The following THRB variants were observed in gnomAD, a reference collection of about 807,000 sequenced individuals.
THRB encodes nuclear receptor subfamily 1 group A member 2.
Under a neutral mutation model 47.8 loss-of-function variants are expected in THRB, and 12 were observed. The observed-to-expected ratio is 0.25, with a 90% CI of 0.16 to 0.41. THRB has a LOEUF of 0.41. Ranked by LOEUF, THRB falls within the 10% of genes least tolerant of loss-of-function variation. The probability of loss-of-function intolerance (pLI) is 1.00; values close to 1 mark genes in which losing one functional copy is unlikely to be tolerated. For synonymous variants in THRB, 218 were observed against 212.2 expected, an observed-to-expected ratio of 1.03 and a Z score of -0.24; for missense variants, 348 against 589.2, an observed-to-expected ratio of 0.59 and a Z score of 4.24.
intron 1 of THRB, among the ~76,000 whole-genome samples, chr3:24,414,429 G>A (rs572092902): frequency 4.1e-4 from 63 of 151,866 alleles, no homozygotes; most frequent in African/African-American, 1.5e-3. Flanking sequence ...ATATCTATGT[G>A]TTAAAAGCTC....
Position 24,304,628 on chromosome 3 carries a change from A to C in THRB, c.-188-7257T>G, listed in dbSNP as rs560927648. Among the ~76,000 whole-genome samples, 5 of 152,294 alleles carry C rather than the reference A, an allele frequency of 3.3e-5. No homozygotes were observed. The South Asian group carries it at 8.3e-4, about 25-fold the overall frequency. On this transcript the variant is annotated intron_variant, in intron 2 of 10. Transcript: ENST00000646209. ...GTACTAACCTTAGTAAGTTTCATGA[A>C]GAACAAAAATGTAAACCTAAATAAA...
chr3:24,470,550 G>T (rs1371902214), intron 1 of THRB, among the ~76,000 whole-genome samples: 1 of 152,218 alleles, frequency 6.6e-6, no homozygotes, highest in East Asian at 1.9e-4. Flanking sequence ...AAGCCCCATA[G>T]AAATGTTTGT....
At chr3:24,378,870 A>T (rs2065487574) in intron 1 of THRB, among the ~76,000 whole-genome samples, 1 of 152,156 alleles carries the variant, frequency 6.6e-6, no homozygotes, top group Non-Finnish European at 1.5e-5. Context: ...AATATATATA[A>T]GCATAAAGAA....
chr3:24,422,967 A>G (rs1376221401), intron 1 of THRB, among the ~76,000 whole-genome samples: 1 of 151,894 alleles, frequency 6.6e-6, no homozygotes, highest in Non-Finnish European at 1.5e-5. Context: ...GGCTTGAGAG[A>G]GGACTGGAAG....
At chr3:24,365,214 C>G (rs986100632) in intron 1 of THRB, among the ~76,000 whole-genome samples, 2 of 152,162 alleles carry the variant, frequency 1.3e-5, no homozygotes, top group Non-Finnish European at 2.9e-5. Flanking sequence ...GTACACTAAT[C>G]CAGCAAAGAG....
At chr3:24,328,512 G>A (rs1327089224) in intron 2 of THRB, among the ~76,000 whole-genome samples, 1 of 152,054 alleles carries the variant, frequency 6.6e-6, no homozygotes, top group Non-Finnish European at 1.5e-5. Context: ...GTCTTCCCTA[G>A]TTCAGTGAAT....
At chr3:24,394,515 C>A (rs2066808650) in intron 1 of THRB, among the ~76,000 whole-genome samples, 1 of 152,068 alleles carries the variant, frequency 6.6e-6, no homozygotes, top group African/African-American at 2.4e-5. Context: ...GATCATACAT[C>A]TCTACTTTGG....
intron 7 of THRB, among the ~76,000 whole-genome samples, chr3:24,145,586 A>G (rs2035978569): frequency 6.6e-6 from 1 of 152,182 alleles, no homozygotes; most frequent in Non-Finnish European, 1.5e-5. Flanking sequence ...AGATAAAGAA[A>G]ATACTCAGCC....
rs190868555 is a variant in THRB at position 24,432,778 on chromosome 3, G to A, written c.-261+61874C>T. Among the ~76,000 whole-genome samples, 27 of 152,094 alleles carry A rather than the reference G, an allele frequency of 1.8e-4. 1 individual carries two copies. The Middle Eastern group carries it at 0.017, about 96-fold the overall frequency. ...CACTGCCAATGGATAGAAATGTACTGAGGCTGATTTAAGGTTTGAAAATTA... is the reference window on the plus strand; with the variant it reads ...CACTGCCAATGGATAGAAATGTACTAAGGCTGATTTAAGGTTTGAAAATTA... On this transcript the variant is annotated intron_variant, in intron 1 of 10. Transcript: ENST00000646209.
chr3:24,444,018 A>C (rs1234985357), intron 1 of THRB, among the ~76,000 whole-genome samples: 3 of 152,182 alleles, frequency 2.0e-5, no homozygotes, highest in Non-Finnish European at 4.4e-5. Flanking sequence ...AGTATTCCAA[A>C]ACCCATTTTT....
At chr3:24,128,889 T>TTTTTTTTTTTTTA (rs2033373342) in intron 9 of THRB, among the ~76,000 whole-genome samples, 1 of 146,394 alleles carries the variant, frequency 6.8e-6, no homozygotes. Flanking sequence ...TTTTTTTTTT[T>TTTTTTTTTTTTTA]ACCATGGATA....
chr3:24,223,351 C>A (rs2047349261), intron 4 of THRB, among the ~76,000 whole-genome samples: 1 of 152,208 alleles, frequency 6.6e-6, no homozygotes. Context: ...AAAGTGCTAA[C>A]ACATTCCAAA....
chr3:24,258,604 G>A (rs2051582975), intron 3 of THRB, among the ~76,000 whole-genome samples: 1 of 152,148 alleles, frequency 6.6e-6, no homozygotes, highest in Non-Finnish European at 1.5e-5. Flanking sequence ...CTGCTTTTGT[G>A]TTGAGTACAG....
intron 1 of THRB, among the ~76,000 whole-genome samples, chr3:24,382,553 C>T (rs1034142882): frequency 1.2e-3 from 1 of 846 alleles, no homozygotes; most frequent in African/African-American, 4.7e-3. Flanking sequence ...ACAAGGAGCT[C>T]ATTAAAAAAG....
intron 4 of THRB, among the ~76,000 whole-genome samples, chr3:24,192,899 G>T (rs2043516748): frequency 6.6e-6 from 1 of 152,176 alleles, no homozygotes; most frequent in Non-Finnish European, 1.5e-5. Flanking sequence ...AGGTTTATTG[G>T]TTGGGGCACT....
intron 1 of THRB, among the ~76,000 whole-genome samples, chr3:24,436,967 A>G (rs2071022922): frequency 6.6e-6 from 1 of 151,980 alleles, no homozygotes; most frequent in Non-Finnish European, 1.5e-5. Flanking sequence ...CTTAAGTCTC[A>G]TTGCAGAGGG....
intron 1 of THRB, among the ~76,000 whole-genome samples, chr3:24,339,834 A>G (rs1463045133): frequency 1.3e-5 from 2 of 152,232 alleles, no homozygotes; most frequent in East Asian, 3.8e-4. Flanking sequence ...TGTTTACACA[A>G]GACTCAAAGC....
At chr3:24,133,195 G>A (rs1337209156) in intron 9 of THRB, 121 bp downstream of exon 9, 17 of 1,137,702 alleles carry the variant, frequency 1.5e-5, no homozygotes, top group South Asian at 5.3e-5. Flanking sequence ...TTGTACTGAC[G>A]TTGCTTTCAT....
rs1413002169 is a variant in THRB at position 24,143,714 on chromosome 3, G to A, written c.533-8C>T. Reference sequence around the variant, plus strand: ...TGCTGTCATCCAGCACCACTGGGAGGGGGAGAAAGATGAGACAAGGCACAC... The same window carrying A: ...TGCTGTCATCCAGCACCACTGGGAGAGGGAGAAAGATGAGACAAGGCACAC... On this transcript the variant is annotated splice_region_variant and splice_polypyrimidine_tract_variant and intron_variant, in intron 7 of 10. Transcript: ENST00000646209. 1.2e-6 allele frequency: 2 copies of A among 1,613,996 alleles called. No individual in the cohort carries two copies. The highest frequency in any genetic ancestry group is 1.7e-6 in the Non-Finnish European group (2 of 1,179,936).
Sources: gnomAD v4.1 joint callset for allele counts (sites outside exome capture counted in the v4.1 genomes callset) on GRCh38, gnomAD v4.1.1 for gene constraint, MANE v1.5 for transcripts, NCBI Gene and HGNC (gene_info 2026-07-23, HGNC 2026-07-21) for gene names.